HMGXB3: variants seen among roughly 807,000 people sequenced by gnomAD.
HMGXB3 encodes the protein HMG domain-containing protein 3.
In HMGXB3, 45 loss-of-function variants were observed where a neutral mutation model predicts 121.5. The observed-to-expected ratio is 0.37, with a 90% CI of 0.29 to 0.47. The LOEUF (loss-of-function observed/expected upper bound fraction) is 0.47. Ranked by LOEUF, HMGXB3 falls within the 20% of genes least tolerant of loss-of-function variation. HMGXB3 has a pLI of 0.99. For synonymous variants in HMGXB3, 590 were observed against 624.1 expected (o/e 0.95, Z 0.81); for missense variants, 1,376 against 1,602.2 (o/e 0.86, Z 2.41).
chr5:150,030,312 CA>C (rs902009748), intron 9 of HMGXB3: 20 of 154,340 alleles, frequency 1.3e-4, no homozygotes, highest in East Asian at 5.6e-4. Flanking sequence ...ACATCGCTAC[CA>C]AAAAAAAAGC....
intron 5 of HMGXB3, 37 bp from the exon 6 acceptor site, chr5:150,018,529 G>GT: frequency 6.7e-7 from 1 of 1,491,010 alleles, no homozygotes; most frequent in Non-Finnish European, 9.0e-7. Flanking sequence ...TCTGAGAGAG[G>GT]TTGTTCTATT....
At chr5:150,007,918 G>C (rs958243006) in intron 3 of HMGXB3, among the ~76,000 whole-genome samples, 3 of 152,048 alleles carry the variant, frequency 2.0e-5, no homozygotes, top group African/African-American at 4.8e-5. Flanking sequence ...TTAGCCAGGC[G>C]TGGTGGCATA....
rs564982154 is a variant in HMGXB3 at position 150,028,352 on chromosome 5, A to G, written c.1734+1235A>G. Among the ~76,000 whole-genome samples the G allele has an allele frequency of 5.7e-4, 86 of 150,858 alleles. No homozygotes were observed. In the Middle Eastern group the frequency reaches 0.01, roughly 18 times the overall value. ...AAGCAGTTCCCAGCTTGACTTTTCC[A>G]TTTAGCATAGAGATTTGGGGGCCCC... On this transcript the variant is annotated intron_variant, in intron 9 of 19. Transcript: ENST00000502717.
At chr5:150,050,506 A>T (rs756189370) in intron 19 of HMGXB3, 45 bp downstream of exon 19, 7 of 1,432,318 alleles carry the variant, frequency 4.9e-6, no homozygotes, top group Non-Finnish European at 5.8e-6. Flanking sequence ...CAAGCCTACC[A>T]TGTCTTGCTC....
rs548423060 is a variant in HMGXB3 at position 150,002,762 on chromosome 5, A to G, written c.-3+1583A>G. Among the ~76,000 whole-genome samples, 24 of 152,360 alleles carry G rather than the reference A, an allele frequency of 1.6e-4. 1 individual carries two copies. In the South Asian group the frequency reaches 4.3e-3, roughly 28 times the overall value. Reference sequence around the variant, plus strand: ...TAGTAGATTCTCTGTTTTTTAGCCCAGCACCAGAGAGCTGATGTTGGTTGG... The same window carrying G: ...TAGTAGATTCTCTGTTTTTTAGCCCGGCACCAGAGAGCTGATGTTGGTTGG... On this transcript the variant is annotated intron_variant, in intron 1 of 19. Coordinates refer to ENST00000502717, the MANE Select transcript of HMGXB3 (RefSeq NM_014983.3).
intron 18 of HMGXB3, 107 bp from the exon 19 acceptor site, chr5:150,050,145 C>A: frequency 4.1e-6 from 4 of 973,398 alleles, no homozygotes; most frequent in Non-Finnish European, 6.3e-6. Flanking sequence ...TGGCTTCGGC[C>A]CTGAAGCTGA....
chr5:150,051,368 G>A (rs1756887984), intron 19 of HMGXB3, among the ~76,000 whole-genome samples: 1 of 152,216 alleles, frequency 6.6e-6, no homozygotes, highest in Admixed American at 6.5e-5. Context: ...AGTCATTATT[G>A]TCATTACTCC....
Position 150,020,012 on chromosome 5 carries a change from G to A in HMGXB3, c.1041+1315G>A, listed in dbSNP as rs559753814. Among the ~76,000 whole-genome samples the A allele has an allele frequency of 1.7e-4, 26 of 152,220 alleles. No individual in the cohort carries two copies. In the South Asian group the frequency reaches 2.3e-3, roughly 13 times the overall value. ...CCAAGGTTTTTAACTATGTAATCTT[G>A]GTCAAGACATTCTATATCTGTTCCT... On this transcript the variant is annotated intron_variant, in intron 6 of 19. Coordinates refer to ENST00000502717, the MANE Select transcript of HMGXB3 (RefSeq NM_014983.3).
intron 17 of HMGXB3, 120 bp downstream of exon 17, chr5:150,047,877 G>T: frequency 9.0e-7 from 1 of 1,105,556 alleles, no homozygotes. Flanking sequence ...GGTGCTGGCA[G>T]TCAGGGATGC....
intron 6 of HMGXB3, among the ~76,000 whole-genome samples, chr5:150,020,026 A>C (rs114153336): frequency 6.6e-6 from 1 of 152,212 alleles, no homozygotes; most frequent in Non-Finnish European, 1.5e-5. Context: ...AAGACATTCT[A>C]TATCTGTTCC....
intron 9 of HMGXB3, among the ~76,000 whole-genome samples, chr5:150,030,071 G>A (rs932565809): frequency 2.6e-5 from 4 of 152,184 alleles, no homozygotes; most frequent in Non-Finnish European, 5.9e-5. Flanking sequence ...AGGTACATGA[G>A]ATATTCAGAA....
chr5:150,037,593 G>A, intron 13 of HMGXB3, 66 bp downstream of exon 13: 2 of 1,372,684 alleles, frequency 1.5e-6, no homozygotes, highest in African/African-American at 2.9e-5. Flanking sequence ...CTCTATGGAT[G>A]AGACCTCTGG....
chr5:150,052,154 G>C lies in HMGXB3; in HGVS notation c.3841G>C (p.Glu1281Gln), dbSNP rs1404459492. Residue 1281 changes from glutamate to glutamine, a missense_variant, in exon 20 of 20, where the codon GAG becomes CAG. By Grantham distance (29) the Glu-to-Gln change is conservative (BLOSUM62 2). Coordinates refer to ENST00000502717, the MANE Select transcript of HMGXB3 (RefSeq NM_014983.3). ...TCAGATCAAGACAGAGACAGAGGAG[G>C]AGGGTGAGGAAGAGGAGGTGGCCGC... is the stretch of plus-strand genomic sequence containing the variant. ...VAQIKTETEE[E>Q]GEEEEVAAVA... The C allele has an allele frequency of 1.3e-6, 2 of 1,549,028 alleles. No homozygotes were observed. The highest frequency in any genetic ancestry group is 1.7e-6 in the Non-Finnish European group (2 of 1,145,156).
At chr5:150,035,673 G>A (rs1470861330) in intron 11 of HMGXB3, among the ~76,000 whole-genome samples, 3 of 152,088 alleles carry the variant, frequency 2.0e-5, no homozygotes, top group Non-Finnish European at 4.4e-5. Context: ...GATGAATTCT[G>A]CAGTCAAGGG....
chr5:150,010,484 C>G lies in HMGXB3; in HGVS notation c.686C>G (p.Pro229Arg). The G allele has an allele frequency of 6.4e-7, 1 of 1,551,654 alleles. No homozygotes were observed. Among genetic ancestry groups the G allele is most frequent in the South Asian group, 1.2e-5 (1 of 84,064 alleles). Residue 229 changes from proline to arginine, a missense_variant, in exon 4 of 20, where the codon CCT becomes CGT. Transcript: ENST00000502717. The part of the protein sequence containing the change: ...ASLEVGESHQ[P>R]YQTSLVIEET... Reference sequence around the variant, plus strand: ...CTAGAAGTAGGGGAGAGCCACCAACCTTACCAGACAAGCCTGGTAATTGAA... The same window carrying G: ...CTAGAAGTAGGGGAGAGCCACCAACGTTACCAGACAAGCCTGGTAATTGAA...
chr5:150,045,180 C>A (rs1756728970), intron 15 of HMGXB3, among the ~76,000 whole-genome samples: 1 of 152,176 alleles, frequency 6.6e-6, no homozygotes, highest in African/African-American at 2.4e-5. Context: ...GGTAGCTCCA[C>A]TTTCTTTGTA....
chr5:150,015,029 T>C, intron 5 of HMGXB3: 1 of 538,666 alleles, frequency 1.9e-6, no homozygotes, highest in Non-Finnish European at 3.0e-6. Flanking sequence ...ATTGCCCCTT[T>C]TTGGCCTAAA....
intron 7 of HMGXB3, among the ~76,000 whole-genome samples, chr5:150,025,977 C>T (rs1205714224): frequency 6.6e-6 from 1 of 152,036 alleles, no homozygotes; most frequent in Non-Finnish European, 1.5e-5. Context: ...ACTGCAGGCA[C>T]CTGCCACCAC....
chr5:150,040,648 A>G, intron 13 of HMGXB3, 100 bp from the exon 14 acceptor site: 1 of 1,254,116 alleles, frequency 8.0e-7, no homozygotes, highest in South Asian at 1.6e-5. Context: ...AAGTGCCTGC[A>G]ACTACAGGCA....
Sources: allele counts gnomAD v4.1 joint callset (sites outside exome capture counted in the v4.1 genomes callset), GRCh38; gene constraint gnomAD v4.1.1; transcripts MANE v1.5; gene names NCBI Gene and HGNC (gene_info 2026-07-23, HGNC 2026-07-21).